Variants in DLST observed in about 807,000 individuals in gnomAD.
DLST encodes dihydrolipoamide S-succinyltransferase.
DLST carries 17 observed loss-of-function variants against 53.1 expected under a neutral mutation model. That is an observed-to-expected ratio of 0.32 (90% CI 0.22 to 0.48). DLST has a LOEUF of 0.48. Among genes scored for constraint, DLST ranks in the 20% least tolerant of loss-of-function variants. The probability of loss-of-function intolerance (pLI) is 0.99; values close to 1 mark genes in which losing one functional copy is unlikely to be tolerated. For synonymous variants in DLST, 206 were observed against 204.8 expected, an observed-to-expected ratio of 1.01 and a Z score of -0.05; for missense variants, 512 against 583.9, an observed-to-expected ratio of 0.88 and a Z score of 1.27.
chr14:74,899,063 G>T (rs1025890348), intron 11 of DLST, among the ~76,000 whole-genome samples: 8 of 152,176 alleles, frequency 5.3e-5, no homozygotes, highest in Non-Finnish European at 1.0e-4. Context: ...AGGGGTCAGT[G>T]CTACTTTTGC....
At chr14:74,897,559 T>C (rs1884109739) in intron 10 of DLST, among the ~76,000 whole-genome samples, 1 of 152,224 alleles carries the variant, frequency 6.6e-6, no homozygotes, top group Non-Finnish European at 1.5e-5. Flanking sequence ...TGCTGCTTAA[T>C]CTGAAGGGAA....
intron 1 of DLST, 69 bp downstream of exon 1, chr14:74,882,085 A>AGGCAGGGGCGCGGCGCGCC: frequency 7.3e-7 from 1 of 1,360,906 alleles, no homozygotes; most frequent in Admixed American, 3.2e-5. Context: ...GCGGCCTGGA[A>AGGCAGGGGCGCGGCGCGCC]GGCAGGGGCG....
At position 74,898,356 on chromosome 14, in the gene DLST, A is replaced by G. The variant is rs28630808; in HGVS notation, c.771-13A>G. The G allele has an allele frequency of 1.2e-3, 1,893 of 1,608,408 alleles. 29 individuals carry two copies. The African/African-American group carries it at 0.022, about 19-fold the overall frequency. Reference sequence around the variant, plus strand: ...AGGCTTTGTGGTCAGTTTGTTTTGTAATATTTTCACAGTAACATCCAGGAG... The same window carrying G: ...AGGCTTTGTGGTCAGTTTGTTTTGTGATATTTTCACAGTAACATCCAGGAG... On this transcript the variant is annotated splice_polypyrimidine_tract_variant and intron_variant, in intron 10 of 14. Transcript: ENST00000334220.
chr14:74,893,322 C>T (rs1883972215), intron 8 of DLST, 26 bp from the exon 9 acceptor site: 1 of 1,613,290 alleles, frequency 6.2e-7, no homozygotes, highest in Non-Finnish European at 8.5e-7. Flanking sequence ...TTGTCTGATG[C>T]AGCTTTATCC....
chr14:74,898,710 TC>T (rs1884149539), intron 11 of DLST, among the ~76,000 whole-genome samples: 1 of 152,260 alleles, frequency 6.6e-6, no homozygotes, highest in Non-Finnish European at 1.5e-5. Context: ...CAGTTTCTCT[TC>T]CCAGTGTACA....
chr14:74,901,338 C>A (rs1884240288), intron 14 of DLST, 105 bp downstream of exon 14: 6 of 1,177,634 alleles, frequency 5.1e-6, no homozygotes, highest in Non-Finnish European at 4.8e-6. Flanking sequence ...GGCCTAAGTT[C>A]CATTTCTTAG....
At chr14:74,885,480 AT>A in intron 2 of DLST, 105 bp from the exon 3 acceptor site, 1 of 1,140,782 alleles carries the variant, frequency 8.8e-7, no homozygotes, top group Non-Finnish European at 1.3e-6. Context: ...GTTGCCGTTG[AT>A]CCTGCTCTGT....
intron 6 of DLST, among the ~76,000 whole-genome samples, chr14:74,890,365 G>A (rs535938964): frequency 4.6e-5 from 7 of 152,200 alleles, no homozygotes; most frequent in South Asian, 2.1e-4. Flanking sequence ...TGATCTGCCC[G>A]CCTTGGCCTC....
chr14:74,896,240 T>A (rs1884075575), intron 10 of DLST, among the ~76,000 whole-genome samples: 1 of 152,224 alleles, frequency 6.6e-6, no homozygotes, highest in Non-Finnish European at 1.5e-5. Flanking sequence ...ATGTTAACAG[T>A]GTAGACCATG....
At chr14:74,883,363 A>G (rs2140184300) in intron 2 of DLST, among the ~76,000 whole-genome samples, 1 of 152,164 alleles carries the variant, frequency 6.6e-6, no homozygotes, top group African/African-American at 2.4e-5. Flanking sequence ...AGCCCAGGAG[A>G]AAGAGAATGG....
chr14:74,883,369 A>G (rs1298345548), intron 2 of DLST, among the ~76,000 whole-genome samples: 1 of 152,046 alleles, frequency 6.6e-6, no homozygotes, highest in Admixed American at 6.6e-5. Flanking sequence ...GGAGAAAGAG[A>G]ATGGCATTCA....
intron 5 of DLST, 118 bp downstream of exon 5, chr14:74,889,467 C>T: frequency 1.2e-6 from 1 of 805,134 alleles, no homozygotes; most frequent in Non-Finnish European, 1.9e-6. Context: ...CTCCCAGGTT[C>T]AAGTGATTCT....
intron 14 of DLST, among the ~76,000 whole-genome samples, chr14:74,901,447 TAAA>T (rs1288449559): frequency 2.6e-5 from 4 of 152,314 alleles, no homozygotes; most frequent in South Asian, 4.1e-4. Flanking sequence ...ATCCCAGACT[TAAA>T]GAAGAAGTGC....
At chr14:74,890,058 T>C in intron 6 of DLST, 106 bp downstream of exon 6, 1 of 752,400 alleles carries the variant, frequency 1.3e-6, no homozygotes. Flanking sequence ...TTTAACTAGC[T>C]CTAACTTCAG....
Position 74,894,236 on chromosome 14 carries a change from G to C in DLST, c.673-76G>C, listed in dbSNP as rs959960731. On this transcript the variant is annotated intron_variant, in intron 9 of 14. Coordinates refer to ENST00000334220, the MANE Select transcript of DLST (RefSeq NM_001933.5). ...TGGCCATCTACTCGTGGCAAGCCGT[G>C]TTCTTTCTGACTACACGGGGAATGC... 1.9e-6 allele frequency: 3 copies of C among 1,569,634 alleles called. No homozygotes were observed. In the African/African-American group the frequency reaches 4.1e-5, roughly 21 times the overall value.
chr14:74,900,899 GT>G (rs1373161253), intron 13 of DLST, among the ~76,000 whole-genome samples, 166 bp from the exon 14 acceptor site: 2 of 151,704 alleles, frequency 1.3e-5, no homozygotes, highest in Non-Finnish European at 2.9e-5. Flanking sequence ...TAATTCTTAA[GT>G]TTTTTATACA....
chr14:74,892,833 G>A lies in DLST; in HGVS notation c.443-1G>A, dbSNP rs1883955192. 1.2e-6 allele frequency: 2 copies of A among 1,600,416 alleles called. No individual in the cohort carries two copies. The highest frequency in any genetic ancestry group is 1.7e-6 in the Non-Finnish European group (2 of 1,175,640). On this transcript the variant is annotated splice_acceptor_variant, in intron 7 of 14. Transcript: ENST00000334220. LOFTEE classifies it high-confidence loss of function. ...TGGCATATACTTTTCTTGTTTTTCAGCTGCTCCTGCTAAGGCCAAGCCGGC... is the reference window on the plus strand; with the variant it reads ...TGGCATATACTTTTCTTGTTTTTCAACTGCTCCTGCTAAGGCCAAGCCGGC...
intron 9 of DLST, 87 bp downstream of exon 9, chr14:74,893,511 A>C (rs1478355211): frequency 7.1e-7 from 1 of 1,414,240 alleles, no homozygotes; most frequent in Non-Finnish European, 1.0e-6. Context: ...CCTACCTTTG[A>C]ATGCCTGGCA....
In DLST at chr14:74,901,252, A is replaced by C; in HGVS notation, c.1227+19A>C. The C allele has an allele frequency of 6.2e-7, 1 of 1,610,070 alleles. No homozygotes were observed. The highest frequency in any genetic ancestry group is 1.1e-5 in the South Asian group (1 of 90,386). On this transcript the variant is annotated intron_variant, in intron 14 of 14. Coordinates refer to ENST00000334220, the MANE Select transcript of DLST (RefSeq NM_001933.5). ...AGGCAAGGTAGGAACCGTCACTTCT[A>C]AGGTCCTAGTGGCTAGGTCTCGATG... is the stretch of plus-strand genomic sequence containing the variant.
Sources: gnomAD v4.1 joint callset for allele counts (sites outside exome capture counted in the v4.1 genomes callset) on GRCh38, gnomAD v4.1.1 for gene constraint, MANE v1.5 for transcripts, NCBI Gene and HGNC (gene_info 2026-07-23, HGNC 2026-07-21) for gene names.